The following DDX1 variants were observed in gnomAD, a reference collection of about 807,000 sequenced individuals.
DDX1 encodes the protein DEAD-box helicase 1.
DDX1 carries 28 observed loss-of-function variants against 108.7 expected under a neutral mutation model. The ratio of observed to expected loss-of-function variants is 0.26; its 90% CI spans 0.19 to 0.35. The LOEUF (loss-of-function observed/expected upper bound fraction) is 0.35, where lower values mean the gene tolerates loss of function less well. Among genes scored for constraint, DDX1 ranks in the 10% least tolerant of loss-of-function variants. The pLI is 1.00. For missense variants in DDX1, 710 were observed against 884.5 expected (o/e 0.80, Z 2.50); for synonymous variants, 295 against 288.9 (o/e 1.02, Z -0.21).
At chr2:15,603,309 T>C in intron 8 of DDX1, 34 bp downstream of exon 8, 1 of 1,364,698 alleles carries the variant, frequency 7.3e-7, no homozygotes, top group East Asian at 2.3e-5. Context: ...ATTGATTGAT[T>C]TACATTTGGG....
At chr2:15,629,286 G>C (rs1258363729) in intron 23 of DDX1, among the ~76,000 whole-genome samples, 1 of 151,868 alleles carries the variant, frequency 6.6e-6, no homozygotes, top group Non-Finnish European at 1.5e-5. Context: ...TTTTTCTTTT[G>C]AACTTTTTTA....
chr2:15,620,809 T>G (rs541796432), intron 17 of DDX1, among the ~76,000 whole-genome samples: 15 of 152,268 alleles, frequency 9.9e-5, no homozygotes, highest in Admixed American at 9.2e-4. Context: ...AAGGTTATAT[T>G]TATTATAAAT....
rs190777757 is a variant in DDX1, at chr2:15,605,374, C to T, written c.626-576C>T. Among the ~76,000 whole-genome samples, 637 of 152,194 alleles carry T rather than the reference C, an allele frequency of 4.2e-3. 6 individuals are homozygous for T. The highest frequency in any genetic ancestry group is 0.013 in the African/African-American group (545 of 41,498). ...ACCAAGAAAGCATGGGTCCTACAGTCCTGGTGAAGGAAGTGTTTGAAGGAT... is the reference window on the plus strand; with the variant it reads ...ACCAAGAAAGCATGGGTCCTACAGTTCTGGTGAAGGAAGTGTTTGAAGGAT... On this transcript the variant is annotated intron_variant, in intron 10 of 25. Coordinates refer to ENST00000233084, the MANE Select transcript of DDX1 (RefSeq NM_004939.3).
intron 14 of DDX1, among the ~76,000 whole-genome samples, chr2:15,614,768 C>T (rs1197266615): frequency 2.0e-5 from 3 of 152,156 alleles, no homozygotes; most frequent in Admixed American, 1.3e-4. Flanking sequence ...TTGTGATATT[C>T]TGTTAAAACA....
At chr2:15,606,595 C>T (rs1052090661) in intron 12 of DDX1, among the ~76,000 whole-genome samples, 6 of 152,186 alleles carry the variant, frequency 3.9e-5, no homozygotes, top group Non-Finnish European at 5.9e-5. Flanking sequence ...GTAGTTTTCC[C>T]ATTTTACAGA....
intron 13 of DDX1, among the ~76,000 whole-genome samples, chr2:15,608,821 G>A (rs552144934): frequency 1.5e-3 from 234 of 152,152 alleles, no homozygotes; most frequent in African/African-American, 5.4e-3. Flanking sequence ...TGAGAATACA[G>A]GCACATGCCA....
intron 16 of DDX1, 76 bp downstream of exon 16, chr2:15,618,346 G>A (rs1006660108): frequency 3.8e-6 from 3 of 785,650 alleles, no homozygotes; most frequent in Non-Finnish European, 6.4e-6. Flanking sequence ...CCCAGGGGGT[G>A]TTGCTTTTCT....
Position 15,591,893 on chromosome 2 carries a change from G to C in DDX1, c.-41G>C, listed in dbSNP as rs910070759. 4 of 1,468,398 alleles carry C rather than the reference G, an allele frequency of 2.7e-6. No individual in the cohort carries two copies. In the African/African-American group the frequency reaches 4.5e-5, roughly 16 times the overall value. 91.0% of individuals were successfully genotyped at this position (1,468,398 alleles called of 1,614,324 possible). On this transcript the variant is annotated 5_prime_UTR_variant, in exon 1 of 26. Coordinates refer to ENST00000233084, the MANE Select transcript of DDX1 (RefSeq NM_004939.3). ...ACTGCCACGCCGTGTCAGTCGGGAGGGAGGGAGCGAGCAGGCGAAGCCGCG... is the reference window on the plus strand; with the variant it reads ...ACTGCCACGCCGTGTCAGTCGGGAGCGAGGGAGCGAGCAGGCGAAGCCGCG...
intron 19 of DDX1, among the ~76,000 whole-genome samples, chr2:15,624,069 G>T (rs541474598): frequency 6.6e-6 from 1 of 152,084 alleles, no homozygotes; most frequent in African/African-American, 2.4e-5. Flanking sequence ...CAGTGGACAC[G>T]GTCTTCTGTT....
At chr2:15,624,715 A>G (rs1666070239) in intron 19 of DDX1, among the ~76,000 whole-genome samples, 1 of 152,174 alleles carries the variant, frequency 6.6e-6, no homozygotes, top group African/African-American at 2.4e-5. Flanking sequence ...TCATAAACCA[A>G]CATGGAAAAA....
chr2:15,616,668 C>T (rs936341075), intron 14 of DDX1, among the ~76,000 whole-genome samples: 1 of 152,156 alleles, frequency 6.6e-6, no homozygotes, highest in Non-Finnish European at 1.5e-5. Flanking sequence ...TGCAGAGTGC[C>T]TGTTCATTAT....
At chr2:15,620,463 C>G in intron 17 of DDX1, 67 bp downstream of exon 17, 1 of 1,250,240 alleles carries the variant, frequency 8.0e-7, no homozygotes, top group Admixed American at 2.4e-5. Context: ...CAGCCTTGGG[C>G]TCTTAGTGAT....
At chr2:15,619,397 G>A (rs1558457981) in intron 16 of DDX1, among the ~76,000 whole-genome samples, 1 of 152,122 alleles carries the variant, frequency 6.6e-6, no homozygotes, top group African/African-American at 2.4e-5. Context: ...CGCGAAGGTT[G>A]GGGTGGCCCA....
At chr2:15,595,296 T>C in intron 2 of DDX1, 100 bp downstream of exon 2, 1 of 1,111,564 alleles carries the variant, frequency 9.0e-7, no homozygotes, top group Non-Finnish European at 1.3e-6. Flanking sequence ...GTTGGGTAAG[T>C]GAAAATCAGG....
chr2:15,601,233 G>A (rs1432410377), intron 6 of DDX1, among the ~76,000 whole-genome samples: 3 of 152,152 alleles, frequency 2.0e-5, no homozygotes, highest in Admixed American at 1.3e-4. Context: ...GAGAACTGAT[G>A]GAGTAAGTAA....
chr2:15,629,481 A>G, intron 23 of DDX1, 121 bp from the exon 24 acceptor site: 1 of 662,032 alleles, frequency 1.5e-6, no homozygotes, highest in Non-Finnish European at 2.6e-6. Flanking sequence ...GATATATCAT[A>G]CCTATAATCT....
intron 23 of DDX1, 49 bp from the exon 24 acceptor site, chr2:15,629,553 C>T (rs751262191): frequency 7.7e-7 from 1 of 1,302,848 alleles, no homozygotes; most frequent in East Asian, 2.4e-5. Flanking sequence ...AGATATTTAG[C>T]ATGTCTCTAT....
At chr2:15,606,994 GTTTTAA>G (rs1429823670) in intron 12 of DDX1, among the ~76,000 whole-genome samples, 175 bp from the exon 13 acceptor site, 2 of 152,100 alleles carry the variant, frequency 1.3e-5, no homozygotes, top group African/African-American at 4.8e-5. Context: ...AGCCCAAATA[GTTTTAA>G]TTTAAAGTAG....
Position 15,627,149 on chromosome 2 carries a change from C to T in DDX1, c.1686+4C>T, listed in dbSNP as rs1367803429. On this transcript the variant is annotated splice_donor_region_variant and intron_variant, in intron 20 of 25. Transcript: ENST00000233084. The stretch of plus-strand genomic sequence containing the variant: ...GCAAAACTTGGAAAGATTTAAGGTA[C>T]TGATACATAGTTGATTGTTTCCTTA... The T allele has an allele frequency of 6.5e-7, 1 of 1,546,664 alleles. No homozygotes were observed. The highest frequency in any genetic ancestry group is 8.9e-7 in the Non-Finnish European group (1 of 1,121,868).
Sources: gnomAD v4.1 joint callset for allele counts (sites outside exome capture counted in the v4.1 genomes callset) on GRCh38, gnomAD v4.1.1 for gene constraint, MANE v1.5 for transcripts, NCBI Gene and HGNC (gene_info 2026-07-23, HGNC 2026-07-21) for gene names.